Variants in CTNNA3 observed in about 807,000 individuals in gnomAD.
The protein encoded by CTNNA3 is catenin alpha 3.
In CTNNA3, 76 loss-of-function variants were observed where a neutral mutation model predicts 95.7. The observed-to-expected ratio is 0.79, with a 90% confidence interval of 0.66 to 0.96. CTNNA3 has a LOEUF of 0.96. CTNNA3 is among the 40% of genes least tolerant of loss of function. CTNNA3 has a pLI of 0.00. For synonymous variants in CTNNA3, 431 were observed against 374.4 expected, an observed-to-expected ratio of 1.15 and a Z score of -1.74; for missense variants, 1,191 against 1,089.8, an observed-to-expected ratio of 1.09 and a Z score of -1.31.
chr10:67,124,367 TGTGTGTGG>T (rs1859612198), intron 7 of CTNNA3, among the ~76,000 whole-genome samples: 1 of 150,802 alleles, frequency 6.6e-6, no homozygotes, highest in African/African-American at 2.5e-5. Flanking sequence ...TGTGTGTGTG[TGTGTGTGG>T]TCTATAAATG....
chr10:66,390,737 T>C (rs949266950), intron 11 of CTNNA3, among the ~76,000 whole-genome samples: 3 of 152,118 alleles, frequency 2.0e-5, no homozygotes, highest in African/African-American at 2.4e-5. Flanking sequence ...TGCTTATCTA[T>C]GTACTTACAG....
intron 11 of CTNNA3, among the ~76,000 whole-genome samples, chr10:66,510,900 T>G (rs1840632764): frequency 6.6e-6 from 1 of 151,792 alleles, no homozygotes; most frequent in African/African-American, 2.4e-5. Context: ...TAATGCTAGC[T>G]TCACAGAATT....
intron 6 of CTNNA3, among the ~76,000 whole-genome samples, chr10:67,193,178 G>C (rs1056158146): frequency 2.6e-5 from 4 of 151,792 alleles, no homozygotes; most frequent in African/African-American, 9.7e-5. Flanking sequence ...TAAGTTCTGG[G>C]GATCTAATGT....
At chr10:66,934,858 G>A (rs552417355) in intron 7 of CTNNA3, among the ~76,000 whole-genome samples, 3 of 152,230 alleles carry the variant, frequency 2.0e-5, no homozygotes, top group Non-Finnish European at 2.9e-5. Context: ...ATGCAGGGTG[G>A]AAAATACATT....
At chr10:67,310,868 G>A (rs943424998) in intron 5 of CTNNA3, among the ~76,000 whole-genome samples, 2 of 152,138 alleles carry the variant, frequency 1.3e-5, no homozygotes, top group Non-Finnish European at 2.9e-5. Flanking sequence ...AGACTTGTGT[G>A]GGGACACAGG....
At chr10:66,396,644 G>A (rs1259457528) in intron 11 of CTNNA3, among the ~76,000 whole-genome samples, 1 of 151,896 alleles carries the variant, frequency 6.6e-6, no homozygotes, top group Admixed American at 6.6e-5. Context: ...TTAAAGAAAT[G>A]AGTTTATGGA....
intron 12 of CTNNA3, among the ~76,000 whole-genome samples, chr10:66,296,805 T>C (rs186848478): frequency 2.6e-5 from 4 of 151,966 alleles, no homozygotes; most frequent in Non-Finnish European, 5.9e-5. Context: ...CTTTAACACA[T>C]CCACAAGGCT....
intron 5 of CTNNA3, among the ~76,000 whole-genome samples, chr10:67,465,578 C>T (rs1377738036): frequency 6.6e-6 from 1 of 152,116 alleles, no homozygotes; most frequent in Admixed American, 6.5e-5. Context: ...GGTCCACAGC[C>T]TTCAGGGAAA....
At chr10:66,061,120 G>C (rs545603387) in intron 15 of CTNNA3, among the ~76,000 whole-genome samples, 2 of 152,200 alleles carry the variant, frequency 1.3e-5, no homozygotes, top group Admixed American at 1.3e-4. Flanking sequence ...TGTGACTGTA[G>C]GAATGGCCCT....
chr10:66,359,931 A>G (rs1278461413), intron 12 of CTNNA3, among the ~76,000 whole-genome samples: 7 of 151,088 alleles, frequency 4.6e-5, no homozygotes, highest in Non-Finnish European at 1.0e-4. Context: ...AGTTCAAGCT[A>G]TTCTCCTGCC....
chr10:67,670,931 C>T (rs933325767), intron 1 of CTNNA3, among the ~76,000 whole-genome samples: 6 of 152,024 alleles, frequency 3.9e-5, no homozygotes, highest in Non-Finnish European at 7.4e-5. Context: ...CCATCTCTTT[C>T]TACTTCTATC....
rs567206350 is a variant in CTNNA3, at chr10:66,916,174, C to T, written c.1048-140650G>A. Among the ~76,000 whole-genome samples the T allele has an allele frequency of 5.3e-5, 8 of 152,234 alleles. No individual in the cohort carries two copies. In the South Asian group the frequency reaches 1.7e-3, roughly 32 times the overall value. ...TCCTTAAACTGCAAGAAAAGCAAAA[C>T]GCTGAATGAGAATGGCAACACAGTC... On this transcript the variant is annotated intron_variant, in intron 7 of 17. Coordinates refer to ENST00000433211, the MANE Select transcript of CTNNA3 (RefSeq NM_013266.4).
intron 10 of CTNNA3, among the ~76,000 whole-genome samples, chr10:66,593,286 T>C (rs559316224): frequency 6.6e-6 from 1 of 152,264 alleles, no homozygotes; most frequent in South Asian, 2.1e-4. Flanking sequence ...TTCTGATTTT[T>C]GTACTCCCAC....
chr10:65,973,739 G>A (rs1779090039), intron 16 of CTNNA3, among the ~76,000 whole-genome samples: 1 of 152,068 alleles, frequency 6.6e-6, no homozygotes, highest in Admixed American at 6.6e-5. Flanking sequence ...GGGAGAACAG[G>A]AGCAAGAGGG....
chr10:67,381,316 A>G (rs192790307), intron 5 of CTNNA3, among the ~76,000 whole-genome samples: 26 of 152,330 alleles, frequency 1.7e-4, no homozygotes, highest in Middle Eastern at 6.8e-3. Context: ...ATTTAGTGGT[A>G]AAAACATTCT....
At chr10:66,742,208 C>G (rs963808460) in intron 9 of CTNNA3, among the ~76,000 whole-genome samples, 1 of 152,136 alleles carries the variant, frequency 6.6e-6, no homozygotes, top group Non-Finnish European at 1.5e-5. Flanking sequence ...GAAATGGCCG[C>G]TTTGGGGATG....
chr10:66,783,030 T>A (rs141391662), intron 7 of CTNNA3, among the ~76,000 whole-genome samples: 1 of 152,054 alleles, frequency 6.6e-6, no homozygotes, highest in Admixed American at 6.6e-5. Context: ...ATCTTTAGGG[T>A]TCCTCTGAAC....
intron 9 of CTNNA3, among the ~76,000 whole-genome samples, chr10:66,654,740 A>G (rs1249120818): frequency 6.6e-6 from 1 of 152,122 alleles, no homozygotes; most frequent in Non-Finnish European, 1.5e-5. Context: ...TAAAGAAAAT[A>G]TGGCATATAC....
intron 5 of CTNNA3, among the ~76,000 whole-genome samples, chr10:67,466,428 T>C (rs1847598117): frequency 6.6e-6 from 1 of 152,222 alleles, no homozygotes; most frequent in African/African-American, 2.4e-5. Context: ...TCAATTGTTT[T>C]CTTCTCTTTC....
Sources: gnomAD v4.1 joint callset for allele counts (sites outside exome capture counted in the v4.1 genomes callset) on GRCh38, gnomAD v4.1.1 for gene constraint, MANE v1.5 for transcripts, NCBI Gene and HGNC (gene_info 2026-07-23, HGNC 2026-07-21) for gene names.